NLGN1: variants seen among roughly 807,000 people sequenced by gnomAD.
NLGN1 encodes neuroligin-1.
In NLGN1, 12 loss-of-function variants were observed where a neutral mutation model predicts 65.5. That is an observed-to-expected ratio of 0.18 (90% CI 0.12 to 0.30). The LOEUF is 0.30. NLGN1 is among the 10% of genes least tolerant of loss of function. The pLI is 1.00. For synonymous variants in NLGN1, 350 were observed against 359.5 expected (o/e 0.97, Z 0.30); for missense variants, 750 against 1,007.1 (o/e 0.74, Z 3.46).
intron 4 of NLGN1, among the ~76,000 whole-genome samples, chr3:174,203,873 C>A (rs1232228109): frequency 6.6e-6 from 1 of 152,080 alleles, no homozygotes; most frequent in Non-Finnish European, 1.5e-5. Flanking sequence ...CATAGCAACA[C>A]AGACACAAAA....
At chr3:173,618,556 A>G (rs1220240755) in intron 3 of NLGN1, among the ~76,000 whole-genome samples, 7 of 152,154 alleles carry the variant, frequency 4.6e-5, no homozygotes, top group African/African-American at 1.7e-4. Context: ...ATCACTTTAT[A>G]AAATGAAGGA....
At chr3:174,259,746 C>T (rs1336431832) in intron 4 of NLGN1, among the ~76,000 whole-genome samples, 1 of 151,398 alleles carries the variant, frequency 6.6e-6, no homozygotes, top group Non-Finnish European at 1.5e-5. Context: ...AGGTTAGTTA[C>T]ATATGTATAC....
chr3:174,161,233 T>A (rs9821121), intron 4 of NLGN1, among the ~76,000 whole-genome samples: 19,501 of 151,556 alleles, frequency 0.13, 2,393 homozygotes, highest in African/African-American at 0.33. Context: ...GATCATAGCC[T>A]AGAAATGCAA....
intron 2 of NLGN1, among the ~76,000 whole-genome samples, chr3:173,591,989 T>C (rs1410620398): frequency 1.3e-5 from 2 of 152,216 alleles, no homozygotes; most frequent in African/African-American, 4.8e-5. Flanking sequence ...TTATTCATTT[T>C]CTTCTGTGGG....
intron 1 of NLGN1, among the ~76,000 whole-genome samples, chr3:173,407,948 A>G (rs1711612475): frequency 6.6e-6 from 1 of 152,242 alleles, no homozygotes; most frequent in South Asian, 2.1e-4. Context: ...TCCACTAAAA[A>G]TAAATTATTT....
At chr3:173,663,047 T>C (rs1761159865) in intron 3 of NLGN1, among the ~76,000 whole-genome samples, 1 of 152,042 alleles carries the variant, frequency 6.6e-6, no homozygotes, top group African/African-American at 2.4e-5. Context: ...TAACTATAAA[T>C]AATTATTTTC....
intron 4 of NLGN1, among the ~76,000 whole-genome samples, chr3:173,902,187 T>C (rs935105577): frequency 2.6e-5 from 4 of 152,074 alleles, no homozygotes; most frequent in Admixed American, 2.0e-4. Context: ...TGAATACTTT[T>C]TCTTTACTTT....
At chr3:173,491,081 T>C (rs1729059197) in intron 2 of NLGN1, among the ~76,000 whole-genome samples, 1 of 151,832 alleles carries the variant, frequency 6.6e-6, no homozygotes, top group Non-Finnish European at 1.5e-5. Flanking sequence ...CTGAATACCC[T>C]TTATTTCTTT....
chr3:174,054,546 G>A (rs1325438521), intron 4 of NLGN1, among the ~76,000 whole-genome samples: 1 of 151,716 alleles, frequency 6.6e-6, no homozygotes, highest in Admixed American at 6.6e-5. Flanking sequence ...TAAGCTTTAG[G>A]GGTTCTGAAC....
At chr3:174,153,435 G>T (rs1724781707) in intron 4 of NLGN1, among the ~76,000 whole-genome samples, 1 of 152,000 alleles carries the variant, frequency 6.6e-6, no homozygotes, top group Admixed American at 6.6e-5. Context: ...GTAGAATTTT[G>T]CTTACAGAGA....
chr3:173,574,128 C>T (rs370986975), intron 2 of NLGN1, among the ~76,000 whole-genome samples: 6 of 147,184 alleles, frequency 4.1e-5, no homozygotes, highest in Admixed American at 1.4e-4. Context: ...CATGAAAGTT[C>T]ATTTAAAATA....
intron 4 of NLGN1, among the ~76,000 whole-genome samples, chr3:174,094,799 A>C: frequency 6.6e-6 from 1 of 151,818 alleles, no homozygotes; most frequent in African/African-American, 2.4e-5. Flanking sequence ...GAAAAAGGAA[A>C]CCATAGGCAG....
At chr3:173,778,288 A>G (rs1436997605) in intron 3 of NLGN1, among the ~76,000 whole-genome samples, 1 of 151,930 alleles carries the variant, frequency 6.6e-6, no homozygotes, top group Non-Finnish European at 1.5e-5. Flanking sequence ...AAATTTATAA[A>G]TTAACCAAAT....
rs17177846 is a variant in NLGN1, at chr3:173,560,296, A to G, written c.-320-43983A>G. Among the ~76,000 whole-genome samples the G allele has an allele frequency of 3.5e-3, 536 of 152,184 alleles. 2 individuals carry two copies. Among genetic ancestry groups the G allele is most frequent in the Middle Eastern group, 0.01 (3 of 294 alleles). On this transcript the variant is annotated intron_variant, in intron 2 of 6. Coordinates refer to ENST00000457714, the Ensembl canonical transcript of NLGN1. ...TTTTCCTAAGCCATGGAAATATGGAATGGCAAGGAAACTGAGTAAAAATAG... is the reference window on the plus strand; with the variant it reads ...TTTTCCTAAGCCATGGAAATATGGAGTGGCAAGGAAACTGAGTAAAAATAG...
At chr3:173,914,897 G>A (rs1392298825) in intron 4 of NLGN1, 1 of 152,136 alleles carries the variant, frequency 6.6e-6, no homozygotes, top group African/African-American at 2.4e-5. Flanking sequence ...TACTTTGTGT[G>A]GTGGTGTTCC....
At chr3:173,897,500 G>T (rs1736546055) in intron 4 of NLGN1, among the ~76,000 whole-genome samples, 1 of 152,148 alleles carries the variant, frequency 6.6e-6, no homozygotes, top group Non-Finnish European at 1.5e-5. Context: ...AATAGCTAAG[G>T]TTAGATGAGT....
chr3:173,726,572 A>G (rs2150031541), intron 3 of NLGN1, among the ~76,000 whole-genome samples: 1 of 152,250 alleles, frequency 6.6e-6, no homozygotes, highest in African/African-American at 2.4e-5. Context: ...AGCTGTCTAG[A>G]AGGACAAAGC....
chr3:173,675,047 T>C (rs75853858), intron 3 of NLGN1, among the ~76,000 whole-genome samples: 7,821 of 152,182 alleles, frequency 0.051, 486 homozygotes, highest in African/African-American at 0.13. Context: ...GCCGGAAGTT[T>C]TGATTGACAG....
At chr3:174,281,707 T>G in exon 7 of NLGN1, 1 of 165,034 alleles carries the variant, frequency 6.1e-6, no homozygotes, top group Non-Finnish European at 1.3e-5. Context: ...TCACCAGTTT[T>G]TATTTGGAGC....
Sources: gnomAD v4.1 joint callset for allele counts (sites outside exome capture counted in the v4.1 genomes callset) on GRCh38, gnomAD v4.1.1 for gene constraint, MANE v1.5 for transcripts, NCBI Gene and HGNC (gene_info 2026-07-23, HGNC 2026-07-21) for gene names.